RAG2: variants seen among roughly 807,000 people sequenced by gnomAD.
RAG2 encodes the protein V(D)J recombination-activating protein 2.
Under a neutral mutation model 31.8 loss-of-function variants are expected in RAG2, and 16 were observed. That is an observed-to-expected ratio of 0.50 (90% CI 0.34 to 0.76). RAG2 has a LOEUF of 0.76. Ranked by LOEUF, RAG2 falls within the 30% of genes least tolerant of loss-of-function variation. The pLI is 0.01. For missense variants in RAG2, 622 were observed against 628.5 expected (o/e 0.99, Z 0.11); for synonymous variants, 199 against 215.9 (o/e 0.92, Z 0.68).
chr11:36,597,542 CT>C (rs553157692), intron 1 of RAG2: 9 of 152,314 alleles, frequency 5.9e-5, no homozygotes, highest in African/African-American at 2.2e-4. Context: ...TTCATTTATT[CT>C]CTCTGATGCT....
intron 1 of RAG2, chr11:36,595,223 C>T (rs2133321723): frequency 6.6e-6 from 1 of 152,250 alleles, no homozygotes; most frequent in East Asian, 1.9e-4. Flanking sequence ...GTGGCTTTTT[C>T]ACATCTTTCC....
downstream of RAG2, among the ~76,000 whole-genome samples, chr11:36,591,678 C>G (rs1028411456): frequency 2.6e-5 from 4 of 151,934 alleles, no homozygotes; most frequent in Non-Finnish European, 5.9e-5. Flanking sequence ...CTGTAAATGT[C>G]ATGAAATTCT....
In RAG2 at chr11:36,592,486, A is replaced by AT; in HGVS notation, c.*98dup. ...CATGTAACTAAAAGAAAACATAGGCATTTTAAATAAACAAAAATGTATTTT... is the reference window on the plus strand; with the variant it reads ...CATGTAACTAAAAGAAAACATAGGCATTTTTAAATAAACAAAAATGTATTTT... On this transcript the variant is annotated 3_prime_UTR_variant, in exon 2 of 2. Transcript: ENST00000311485. The AT allele has an allele frequency of 6.9e-7, 1 of 1,445,274 alleles. No homozygotes were observed. Among genetic ancestry groups the AT allele is most frequent in the Non-Finnish European group, 9.3e-7 (1 of 1,072,124 alleles). 89.5% of individuals were successfully genotyped at this position (1,445,274 alleles called of 1,614,324 possible).
rs1243664769 is a variant in RAG2 at position 36,596,211 on chromosome 11, G to GTTTTTTTTTTTTTTTT, written c.-28+1890_-28+1891insAAAAAAAAAAAAAAAA. Among the ~76,000 whole-genome samples, 6 of 101,154 alleles carry GTTTTTTTTTTTTTTTT rather than the reference G, an allele frequency of 5.9e-5. 2 individuals are homozygous for GTTTTTTTTTTTTTTTT. Among genetic ancestry groups the GTTTTTTTTTTTTTTTT allele is most frequent in the African/African-American group, 2.5e-4 (6 of 24,282 alleles). 66.4% of individuals were successfully genotyped at this position (101,154 alleles called of 152,430 possible). ...CTGGTCACTCTAATGAGATGGTAGT[G>GTTTTTTTTTTTTTTTT]TTTTTTTTTTGTTTTTTTTTTTTTT... On this transcript the variant is annotated intron_variant, in intron 1 of 1. Coordinates refer to ENST00000311485, the MANE Select transcript of RAG2 (RefSeq NM_000536.4).
Position 36,592,461 on chromosome 11 carries a change from C to T in RAG2, c.*124G>A, listed in dbSNP as rs1405905739. On this transcript the variant is annotated 3_prime_UTR_variant, in exon 2 of 2. Coordinates refer to ENST00000311485, the MANE Select transcript of RAG2 (RefSeq NM_000536.4). ...AAACACTTTTTTCTGGCCCTTAATT[C>T]ATGTAACTAAAAGAAAACATAGGCA... 2.1e-5 allele frequency: 27 copies of T among 1,258,654 alleles called. No homozygotes were observed. The highest frequency in any genetic ancestry group is 2.9e-5 in the Non-Finnish European group (27 of 919,150). 78.0% of individuals were successfully genotyped at this position (1,258,654 alleles called of 1,614,324 possible). A position where few individuals can be genotyped will look rare whatever the true frequency, so the allele number is the denominator to read the frequency against.
chr11:36,593,564 T>C lies in RAG2; in HGVS notation c.605A>G (p.Asp202Gly). 10 of 1,614,166 alleles carry C rather than the reference T, an allele frequency of 6.2e-6. No individual in the cohort carries two copies. Among genetic ancestry groups the C allele is most frequent in the Non-Finnish European group, 8.5e-6 (10 of 1,180,000 alleles). ...ATSYILPELQ[D>G]GLSFHVSIAK... ...AATAGAGACATGAAAAGATAGCCCA[T>C]CCTGAAGTTCTGGAAGAATGTATGA... Residue 202 changes from aspartate (D) to glycine (G), a missense_variant, in exon 2 of 2, where the codon GAT (aspartate) becomes GGT (glycine). Asp to Gly is a moderately conservative substitution (Grantham distance 94). Transcript: ENST00000311485.
intron 1 of RAG2, 134 bp from the exon 2 acceptor site, chr11:36,594,329 A>C: frequency 3.0e-6 from 2 of 674,648 alleles, no homozygotes; most frequent in East Asian, 5.4e-5. Context: ...GGAAAATCCA[A>C]GGAGTTAGGT....
intron 1 of RAG2, 120 bp from the exon 2 acceptor site, chr11:36,594,315 A>T: frequency 1.4e-6 from 1 of 703,282 alleles, no homozygotes; most frequent in Non-Finnish European, 2.5e-6. Context: ...GTGGGACTGA[A>T]TGAGGAAAAT....
chr11:36,591,573 C>G (rs1434689369), downstream of RAG2, among the ~76,000 whole-genome samples: 14 of 150,624 alleles, frequency 9.3e-5, no homozygotes, highest in Non-Finnish European at 5.9e-5. Flanking sequence ...ATAATATTCA[C>G]TGGCAGCAAT....
chr11:36,594,375 T>C, intron 1 of RAG2, 180 bp from the exon 2 acceptor site: 1 of 603,370 alleles, frequency 1.7e-6, no homozygotes, highest in East Asian at 2.8e-5. Flanking sequence ...TGCCATTCCA[T>C]CCAAGGAGCT....
At chr11:36,594,383 G>A (rs556083127) in intron 1 of RAG2, 188 bp from the exon 2 acceptor site, 193 of 595,294 alleles carry the variant, frequency 3.2e-4, no homozygotes, top group Non-Finnish European at 4.9e-4. Flanking sequence ...CATCCAAGGA[G>A]CTGGGACATG....
Position 36,593,492 on chromosome 11 carries a change from T to C in RAG2, c.677A>G (p.Asn226Ser), listed in dbSNP as rs886048272. The change falls in exon 2 of 2, where the codon AAT (asparagine) becomes AGT (serine). Residue 226 changes from asparagine to serine, a missense_variant. Coordinates refer to ENST00000311485, the MANE Select transcript of RAG2 (RefSeq NM_000536.4). ...GTACAGGTTGGCAGGCCGGATATTA[T>C]TGGCAAGTGAATGTCCTCCTAAAAT... ...IYILGGHSLA[N>S]NIRPANLYRI... The C allele has an allele frequency of 8.7e-6, 14 of 1,614,016 alleles. No homozygotes were observed. Among genetic ancestry groups the C allele is most frequent in the Admixed American group, 3.3e-5 (2 of 60,006 alleles).
rs1406563782 is a variant in RAG2, at chr11:36,593,710, A to T, written c.459T>A (p.Gly153=). The T allele has an allele frequency of 1.9e-6, 3 of 1,614,054 alleles. No homozygotes were observed. The highest frequency in any genetic ancestry group is 2.5e-6 in the Non-Finnish European group (3 of 1,179,968). Reference sequence around the variant, plus strand: ...TGTATGAGCGTCCTCCAAAGAGAACACCCATACTTTTCCCTCGGCTGTACA... The same window carrying T: ...TGTATGAGCGTCCTCCAAAGAGAACTCCCATACTTTTCCCTCGGCTGTACA... The part of the protein sequence containing the change: ...NVVYSRGKSM[G]VLFGGRSYMP... The change falls in exon 2 of 2, where the codon GGT becomes GGA. Residue 153 remains glycine (G), a synonymous_variant. Coordinates refer to ENST00000311485, the MANE Select transcript of RAG2 (RefSeq NM_000536.4).
Position 36,593,497 on chromosome 11 carries a change from A to G in RAG2, c.672T>C (p.Leu224=). The change falls in exon 2 of 2, where the codon CTT becomes CTC. Residue 224 remains leucine (L), a synonymous_variant. Transcript: ENST00000311485. ...GGTTGGCAGGCCGGATATTATTGGCAAGTGAATGTCCTCCTAAAATATAGA... is the reference window on the plus strand; with the variant it reads ...GGTTGGCAGGCCGGATATTATTGGCGAGTGAATGTCCTCCTAAAATATAGA... ...DTIYILGGHS[L]ANNIRPANLY... is the part of the protein sequence containing the mutation. 1.9e-6 allele frequency: 3 copies of G among 1,614,154 alleles called. No homozygotes were observed. The highest frequency in any genetic ancestry group is 2.5e-6 in the Non-Finnish European group (3 of 1,180,048).
chr11:36,597,651 C>T (rs1455088081), intron 1 of RAG2: 1 of 152,118 alleles, frequency 6.6e-6, no homozygotes, highest in Non-Finnish European at 1.5e-5. Flanking sequence ...AAGAAAGATA[C>T]TGTACTGTGA....
intron 1 of RAG2, chr11:36,595,071 T>G (rs970363971): frequency 2.0e-5 from 3 of 152,118 alleles, no homozygotes; most frequent in Non-Finnish European, 4.4e-5. Context: ...AGAAATACAG[T>G]TATTAGGTTT....
intron 1 of RAG2, among the ~76,000 whole-genome samples, chr11:36,595,940 C>A (rs151292872): frequency 2.0e-5 from 3 of 152,240 alleles, no homozygotes; most frequent in Admixed American, 6.5e-5. Flanking sequence ...GATGAGGGTG[C>A]TGGTAGTAGT....
At chr11:36,595,930 G>A (rs1446321825) in intron 1 of RAG2, among the ~76,000 whole-genome samples, 1 of 152,226 alleles carries the variant, frequency 6.6e-6, no homozygotes, top group Non-Finnish European at 1.5e-5. Context: ...AAACATATAT[G>A]ATGAGGGTGC....
downstream of RAG2, among the ~76,000 whole-genome samples, chr11:36,591,555 C>T (rs748447247): frequency 6.6e-6 from 1 of 151,598 alleles, no homozygotes; most frequent in African/African-American, 2.4e-5. Flanking sequence ...GGCAAGATCA[C>T]TGATTTTATA....
Sources: allele counts gnomAD v4.1 joint callset (sites outside exome capture counted in the v4.1 genomes callset), GRCh38; gene constraint gnomAD v4.1.1; transcripts MANE v1.5; gene names NCBI Gene and HGNC (gene_info 2026-07-23, HGNC 2026-07-21).